The following FKBP3 variants were observed in gnomAD, a reference collection of about 807,000 sequenced individuals.
FKBP3 encodes FKBP prolyl isomerase 3, also known as peptidyl-prolyl cis-trans isomerase FKBP3.
In FKBP3, 21 loss-of-function variants were observed where a neutral mutation model predicts 30.6. The ratio of observed to expected loss-of-function variants is 0.69; its 90% CI spans 0.49 to 0.99. The LOEUF is 0.99. Among genes scored for constraint, FKBP3 ranks in the 50% least tolerant of loss-of-function variants. The probability of loss-of-function intolerance (pLI) is 0.00; values close to 1 mark genes in which losing one functional copy is unlikely to be tolerated. For synonymous variants in FKBP3, 82 were observed against 91.3 expected, an observed-to-expected ratio of 0.90 and a Z score of 0.58; for missense variants, 283 against 261.6, an observed-to-expected ratio of 1.08 and a Z score of -0.56.
intron 3 of FKBP3, among the ~76,000 whole-genome samples, chr14:45,123,157 G>A (rs916858514): frequency 6.7e-6 from 1 of 150,268 alleles, no homozygotes; most frequent in Admixed American, 6.6e-5. Flanking sequence ...GGCACCACTG[G>A]GCGACAGAGC....
intron 5 of FKBP3, 75 bp from the exon 6 acceptor site, chr14:45,118,200 G>A (rs1158973831): frequency 2.5e-6 from 2 of 809,080 alleles, no homozygotes; most frequent in Admixed American, 4.9e-5. Context: ...GTCAAGACAA[G>A]ATTGTATGTT....
chr14:45,123,867 C>G (rs1053301354), intron 3 of FKBP3, among the ~76,000 whole-genome samples: 1 of 151,962 alleles, frequency 6.6e-6, no homozygotes, highest in Non-Finnish European at 1.5e-5. Flanking sequence ...ATCTGCCCGC[C>G]TCGGCCTCCC....
Position 45,124,600 on chromosome 14 carries a change from G to A in FKBP3, c.319-2980C>T, listed in dbSNP as rs541470653. Among the ~76,000 whole-genome samples, 7 of 151,476 alleles carry A rather than the reference G, an allele frequency of 4.6e-5. No homozygotes were observed. The East Asian group carries it at 1.4e-3, about 29-fold the overall frequency. ...GAGACAGGGTTTCAGTGTTGCTGAGGCTGGAGTGATCATACCACTGTAAAA... is the reference window on the plus strand; with the variant it reads ...GAGACAGGGTTTCAGTGTTGCTGAGACTGGAGTGATCATACCACTGTAAAA... On this transcript the variant is annotated intron_variant, in intron 3 of 6. Coordinates refer to ENST00000396062, the MANE Select transcript of FKBP3 (RefSeq NM_002013.4).
chr14:45,126,580 T>G (rs1885103801), intron 3 of FKBP3, among the ~76,000 whole-genome samples: 1 of 152,074 alleles, frequency 6.6e-6, no homozygotes, highest in Non-Finnish European at 1.5e-5. Context: ...ATGCCAAGAA[T>G]AAGAAATTTG....
intron 3 of FKBP3, among the ~76,000 whole-genome samples, chr14:45,127,299 G>C (rs1387230720): frequency 6.6e-6 from 1 of 150,604 alleles, no homozygotes; most frequent in Non-Finnish European, 1.5e-5. Flanking sequence ...ATTTTTAGTA[G>C]AGACAGGGTT....
chr14:45,122,370 T>C (rs578141522), intron 3 of FKBP3, among the ~76,000 whole-genome samples: 2 of 152,362 alleles, frequency 1.3e-5, no homozygotes, highest in African/African-American at 4.8e-5. Flanking sequence ...GGGATCTGCA[T>C]TATCCAAATC....
intron 3 of FKBP3, among the ~76,000 whole-genome samples, chr14:45,123,439 A>C (rs1266465860): frequency 6.6e-6 from 1 of 151,622 alleles, no homozygotes; most frequent in Non-Finnish European, 1.5e-5. Flanking sequence ...TGTTCCAGCC[A>C]ACGCCTCAAG....
chr14:45,124,059 A>G (rs1416269331), intron 3 of FKBP3, among the ~76,000 whole-genome samples: 1 of 152,174 alleles, frequency 6.6e-6, no homozygotes, highest in Non-Finnish European at 1.5e-5. Flanking sequence ...ACCTTGAGTC[A>G]GTCCTCTACT....
intron 5 of FKBP3, among the ~76,000 whole-genome samples, chr14:45,119,836 T>C (rs1043520024): frequency 2.6e-5 from 4 of 151,768 alleles, no homozygotes; most frequent in Non-Finnish European, 5.9e-5. Flanking sequence ...TACAGGCAAG[T>C]GCCACCATGC....
At position 45,129,964 on chromosome 14, in the gene FKBP3, A is replaced by T. The variant is rs548327145; in HGVS notation, c.211-63T>A. On this transcript the variant is annotated intron_variant, in intron 2 of 6. Coordinates refer to ENST00000396062, the MANE Select transcript of FKBP3 (RefSeq NM_002013.4). ...GCTAAAACCAAGAAGCAACATCAAG[A>T]TTTTCAGCCTCTCAATTAAATGAAC... The T allele has an allele frequency of 2.7e-4, 250 of 938,916 alleles. 1 individual carries two copies. The highest frequency in any genetic ancestry group is 1.7e-5 in the African/African-American group (1 of 60,148). The allele number at this position is 938,916 out of a possible 1,614,324, so 58.2% of individuals were successfully genotyped here. A position where few individuals can be genotyped will look rare whatever the true frequency, so the allele number is the denominator to read the frequency against.
At chr14:45,118,362 G>C (rs1039071150) in intron 5 of FKBP3, among the ~76,000 whole-genome samples, 1 of 152,080 alleles carries the variant, frequency 6.6e-6, no homozygotes, top group Non-Finnish European at 1.5e-5. Context: ...ACCTTTTGGG[G>C]CTCATACCTA....
intron 3 of FKBP3, among the ~76,000 whole-genome samples, chr14:45,126,778 G>A (rs1048868381): frequency 3.9e-5 from 6 of 152,028 alleles, no homozygotes; most frequent in African/African-American, 1.4e-4. Context: ...GAGCCCACGA[G>A]TTTGAGTCCA....
intron 1 of FKBP3, chr14:45,131,014 T>C (rs146915210): frequency 4.5e-4 from 194 of 435,762 alleles, no homozygotes; most frequent in African/African-American, 3.4e-3. Context: ...AGACTGCAAC[T>C]GTAGTGTTAT....
rs759907896 is a variant in FKBP3 at position 45,120,904 on chromosome 14, C to T, written c.505G>A (p.Gly169Ser). 1.2e-6 allele frequency: 2 copies of T among 1,613,230 alleles called. No homozygotes were observed. The highest frequency in any genetic ancestry group is 3.3e-5 in the Admixed American group (2 of 60,000). ...TTACTTACTCCTCTGATAACTTTGC[C>T]TACTCCGACCTTAAAACTTAAAGGC... ...AKPLSFKVGV[G>S]KVIRGWDEAL... Residue 169 changes from glycine (G) to serine (S), a missense_variant, in exon 5 of 7, where the codon GGC becomes AGC. Coordinates refer to ENST00000396062, the MANE Select transcript of FKBP3 (RefSeq NM_002013.4).
At chr14:45,116,682 CCT>C (rs1884848163) in intron 6 of FKBP3, among the ~76,000 whole-genome samples, 1 of 151,748 alleles carries the variant, frequency 6.6e-6, no homozygotes, top group Admixed American at 6.6e-5. Flanking sequence ...ACAGTGAAAC[CCT>C]GTCTCTACTA....
At chr14:45,128,695 C>T (rs1042029940) in intron 3 of FKBP3, among the ~76,000 whole-genome samples, 13 of 152,288 alleles carry the variant, frequency 8.5e-5, no homozygotes, top group Middle Eastern at 3.4e-3. Flanking sequence ...GCCAGTTAAA[C>T]GAAGAGGTTT....
chr14:45,124,963 C>A (rs779525846), intron 3 of FKBP3, among the ~76,000 whole-genome samples: 12 of 152,172 alleles, frequency 7.9e-5, no homozygotes, highest in Non-Finnish European at 1.2e-4. Context: ...GTTGCCCAGG[C>A]TGGAGTGCAG....
At chr14:45,131,871 AC>A (rs1349571144) in intron 1 of FKBP3, among the ~76,000 whole-genome samples, 3 of 152,232 alleles carry the variant, frequency 2.0e-5, no homozygotes, top group African/African-American at 7.2e-5. Flanking sequence ...ACTCAAGGTA[AC>A]AGCGGAATTG....
intron 1 of FKBP3, 93 bp downstream of exon 1, chr14:45,134,256 G>A (rs1272606358): frequency 3.9e-6 from 4 of 1,037,014 alleles, no homozygotes; most frequent in East Asian, 5.2e-5. Flanking sequence ...GACGAGGGCG[G>A]GGGCACAGAG....
Sources: allele counts gnomAD v4.1 joint callset (sites outside exome capture counted in the v4.1 genomes callset), GRCh38; gene constraint gnomAD v4.1.1; transcripts MANE v1.5; gene names NCBI Gene and HGNC (gene_info 2026-07-23, HGNC 2026-07-21).